Variants in CSMD3 observed in about 807,000 individuals in gnomAD.
The protein encoded by CSMD3 is CUB and sushi domain-containing protein 3.
CSMD3 carries 177 observed loss-of-function variants against 435.2 expected under a neutral mutation model. The observed-to-expected ratio is 0.41, with a 90% confidence interval of 0.36 to 0.46. CSMD3 has a LOEUF of 0.46. Ranked by LOEUF, CSMD3 falls within the 20% of genes least tolerant of loss-of-function variation. The probability of loss-of-function intolerance (pLI) is 0.34; values close to 1 mark genes in which losing one functional copy is unlikely to be tolerated. For synonymous variants in CSMD3, 1,656 were observed against 1,520.5 expected (o/e 1.09, Z -2.07); for missense variants, 4,265 against 4,504.6 (o/e 0.95, Z 1.52).
intron 9 of CSMD3, among the ~76,000 whole-genome samples, chr8:112,944,204 G>T (rs768201341): frequency 6.6e-6 from 1 of 151,428 alleles, no homozygotes; most frequent in Non-Finnish European, 1.5e-5. Flanking sequence ...GGCCTTCCTA[G>T]ATGCGGCGTT....
In CSMD3 at chr8:112,404,416, G is replaced by C. The variant is rs181251842; in HGVS notation, c.5809+2108C>G. Among the ~76,000 whole-genome samples the C allele has an allele frequency of 6.6e-5, 10 of 151,950 alleles. No homozygotes were observed. In the East Asian group the frequency reaches 1.2e-3, roughly 18 times the overall value. ...ATGGTGGTGGGTGCCTGTAATCCCAGATACTTGGGAGGCTGAGGCAGGAGA... is the reference window on the plus strand; with the variant it reads ...ATGGTGGTGGGTGCCTGTAATCCCACATACTTGGGAGGCTGAGGCAGGAGA... On this transcript the variant is annotated intron_variant, in intron 35 of 70. Transcript: ENST00000297405.
chr8:113,118,894 C>T (rs904895158), intron 4 of CSMD3, among the ~76,000 whole-genome samples: 1 of 152,138 alleles, frequency 6.6e-6, no homozygotes, highest in African/African-American at 2.4e-5. Flanking sequence ...TTTCATTTCG[C>T]TCTTGCTATC....
rs533367768 is a variant in CSMD3 at position 113,351,363 on chromosome 8, C to T, written c.179-36570G>A. Among the ~76,000 whole-genome samples, 97 of 152,046 alleles carry T rather than the reference C, an allele frequency of 6.4e-4. 1 individual carries two copies. The highest frequency in any genetic ancestry group is 1.2e-3 in the Non-Finnish European group (82 of 67,950). On this transcript the variant is annotated intron_variant, in intron 1 of 70. Transcript: ENST00000297405. ...GAATATATCTTGGAAAAAGGCAAAG[C>T]GATTACAAATATGTACAATAAAAGC... is the stretch of plus-strand genomic sequence containing the variant.
intron 2 of CSMD3, among the ~76,000 whole-genome samples, chr8:113,292,311 C>T (rs552511430): frequency 1.3e-5 from 2 of 151,494 alleles, no homozygotes; most frequent in Non-Finnish European, 3.0e-5. Context: ...CAGTCATGTT[C>T]GTAAGTGCAT....
At chr8:112,689,127 G>T (rs976398143) in intron 14 of CSMD3, among the ~76,000 whole-genome samples, 3 of 152,014 alleles carry the variant, frequency 2.0e-5, no homozygotes, top group African/African-American at 7.2e-5. Flanking sequence ...AACAAAAGGG[G>T]ACTGTGAAGG....
chr8:113,351,562 A>AT (rs2094190598), intron 1 of CSMD3, among the ~76,000 whole-genome samples: 3 of 152,106 alleles, frequency 2.0e-5, no homozygotes, highest in Admixed American at 2.0e-4. Flanking sequence ...AATAAGATGC[A>AT]TGCATTTAAA....
intron 28 of CSMD3, among the ~76,000 whole-genome samples, chr8:112,515,203 T>C (rs1823546820): frequency 6.6e-6 from 1 of 152,274 alleles, no homozygotes; most frequent in African/African-American, 2.4e-5. Context: ...ATTTTAGGAT[T>C]TTATGTAAAA....
intron 61 of CSMD3, 75 bp from the exon 62 acceptor site, chr8:112,255,502 C>T (rs574347439): frequency 2.3e-6 from 3 of 1,290,432 alleles, no homozygotes; most frequent in Non-Finnish European, 3.4e-6. Flanking sequence ...AAAATGGTGA[C>T]AATCAATTTG....
intron 45 of CSMD3, among the ~76,000 whole-genome samples, chr8:112,327,023 AAAAT>A (rs1823581607): frequency 6.6e-6 from 1 of 152,150 alleles, no homozygotes; most frequent in Non-Finnish European, 1.5e-5. Flanking sequence ...CCCTGTCTCA[AAAAT>A]AAATAAATAA....
chr8:113,428,116 A>G (rs1333606309), intron 1 of CSMD3, among the ~76,000 whole-genome samples: 1 of 151,678 alleles, frequency 6.6e-6, no homozygotes, highest in Non-Finnish European at 1.5e-5. Context: ...TATTGTACAG[A>G]CCATTTAGAG....
intron 6 of CSMD3, among the ~76,000 whole-genome samples, chr8:112,984,863 CTA>C (rs1294004320): frequency 1.6e-4 from 25 of 152,030 alleles, no homozygotes; most frequent in African/African-American, 6.0e-4. Flanking sequence ...TCCTCTTTCT[CTA>C]TGTTTCAATC....
chr8:112,285,547 T>C (rs1156539481), intron 58 of CSMD3, among the ~76,000 whole-genome samples: 2 of 152,128 alleles, frequency 1.3e-5, no homozygotes, highest in African/African-American at 4.8e-5. Flanking sequence ...GGAATTATCT[T>C]CTATTTACAA....
chr8:112,842,674 T>C (rs2080213610), intron 11 of CSMD3, among the ~76,000 whole-genome samples: 1 of 151,876 alleles, frequency 6.6e-6, no homozygotes, highest in South Asian at 2.1e-4. Context: ...CTGTGATTCA[T>C]TACACAATTA....
At chr8:113,024,957 A>C (rs1160527734) in intron 5 of CSMD3, among the ~76,000 whole-genome samples, 3 of 152,096 alleles carry the variant, frequency 2.0e-5, no homozygotes, top group Admixed American at 6.5e-5. Flanking sequence ...TTTAGCTCCC[A>C]TTTATAAGTG....
chr8:112,465,103 C>G (rs1384220465), intron 32 of CSMD3, among the ~76,000 whole-genome samples: 2 of 151,994 alleles, frequency 1.3e-5, no homozygotes, highest in African/African-American at 2.4e-5. Flanking sequence ...ACATTAAAAC[C>G]CATTTTAGAA....
intron 24 of CSMD3, among the ~76,000 whole-genome samples, chr8:112,568,228 C>A (rs972375022): frequency 1.3e-5 from 2 of 151,920 alleles, no homozygotes; most frequent in Non-Finnish European, 2.9e-5. Context: ...AGAATATTTC[C>A]CCAAAAAGAC....
chr8:112,731,812 G>T (rs2077080984), intron 13 of CSMD3, among the ~76,000 whole-genome samples: 1 of 152,114 alleles, frequency 6.6e-6, no homozygotes, highest in East Asian at 1.9e-4. Context: ...CAGGATTAAA[G>T]GCAGCTATAT....
intron 1 of CSMD3, among the ~76,000 whole-genome samples, chr8:113,343,794 G>A (rs926817459): frequency 2.6e-5 from 4 of 152,200 alleles, no homozygotes; most frequent in Middle Eastern, 3.4e-3. Flanking sequence ...CACTCAAGCC[G>A]GGTGCGGTGG....
chr8:112,311,456 C>G (rs902028555), intron 49 of CSMD3, among the ~76,000 whole-genome samples: 3 of 152,132 alleles, frequency 2.0e-5, no homozygotes, highest in Non-Finnish European at 4.4e-5. Flanking sequence ...TTCAGAAGCC[C>G]AACAAATATC....
Sources: allele counts gnomAD v4.1 joint callset (sites outside exome capture counted in the v4.1 genomes callset), GRCh38; gene constraint gnomAD v4.1.1; transcripts MANE v1.5; gene names NCBI Gene and HGNC (gene_info 2026-07-23, HGNC 2026-07-21).